Variants in LIPH observed in about 807,000 individuals in gnomAD.
The protein encoded by LIPH is lipase H.
LIPH carries 32 observed loss-of-function variants against 47.6 expected under a neutral mutation model. The ratio of observed to expected loss-of-function variants is 0.67; its 90% CI spans 0.51 to 0.90. The LOEUF (loss-of-function observed/expected upper bound fraction) is 0.90. LIPH is among the 40% of genes least tolerant of loss of function. The pLI, the probability that LIPH is intolerant of heterozygous loss-of-function variation, is 0.00. For synonymous variants in LIPH, 190 were observed against 195.6 expected, an observed-to-expected ratio of 0.97 and a Z score of 0.24; for missense variants, 497 against 541.4, an observed-to-expected ratio of 0.92 and a Z score of 0.81.
At chr3:185,511,818 A>AATT in intron 8 of LIPH, 121 bp from the exon 9 acceptor site, 2 of 605,730 alleles carry the variant, frequency 3.3e-6, no homozygotes, top group Non-Finnish European at 5.7e-6. Flanking sequence ...GCACCAGCTG[A>AATT]CTTTTTTTTT....
At chr3:185,528,323 G>GAAGAAAGAAAAGAAAGAAAGA in intron 3 of LIPH, among the ~76,000 whole-genome samples, 2 of 125,604 alleles carry the variant, frequency 1.6e-5, no homozygotes, top group Middle Eastern at 7.9e-3. Context: ...AAGAAAGAAA[G>GAAGAAAGAAAAGAAAGAAAGA]AAGAAAGAAA....
intron 1 of LIPH, among the ~76,000 whole-genome samples, chr3:185,537,742 T>A (rs2148961097): frequency 1.3e-5 from 2 of 152,222 alleles, no homozygotes. Flanking sequence ...GGAGACTAAT[T>A]CTGAATGAGA....
chr3:185,540,491 G>T (rs1280623965), intron 1 of LIPH, among the ~76,000 whole-genome samples: 1 of 152,162 alleles, frequency 6.6e-6, no homozygotes, highest in Non-Finnish European at 1.5e-5. Flanking sequence ...GCCAAGGCGG[G>T]TGGATCACCT....
intron 4 of LIPH, among the ~76,000 whole-genome samples, chr3:185,525,352 A>G (rs1430351536): frequency 6.6e-6 from 1 of 152,216 alleles, no homozygotes; most frequent in South Asian, 2.1e-4. Context: ...ATGCACATGT[A>G]TATACATAAT....
intron 5 of LIPH, among the ~76,000 whole-genome samples, chr3:185,523,214 G>T (rs540190289): frequency 2.9e-4 from 44 of 152,166 alleles, no homozygotes; most frequent in African/African-American, 9.4e-4. Context: ...GGAATTTCTA[G>T]ATCAAAGACA....
intron 5 of LIPH, among the ~76,000 whole-genome samples, chr3:185,521,030 C>T (rs1372595878): frequency 1.3e-5 from 2 of 151,910 alleles, no homozygotes; most frequent in Admixed American, 1.3e-4. Context: ...CCACCACTTC[C>T]GGCTAATTTT....
Position 185,524,086 on chromosome 3 carries a change from T to C in LIPH, c.703A>G (p.Lys235Glu). Residue 235 changes from lysine to glutamate, a missense_variant, in exon 5 of 10, where the codon AAA (lysine) becomes GAA (glutamate). Transcript: ENST00000296252. ...NGGLDQPGCP[K>E]TILGGFQYFK... ...AAAGGCTTACCTCCCAATATTGTTT[T>C]GGGGCAGCCAGGTTGATCCAATCCT... 6.2e-7 allele frequency: 1 copy of C among 1,612,818 alleles called. No individual in the cohort carries two copies. Among genetic ancestry groups the C allele is most frequent in the Non-Finnish European group, 8.5e-7 (1 of 1,178,804 alleles).
chr3:185,523,351 T>C (rs1258038231), intron 5 of LIPH, among the ~76,000 whole-genome samples: 1 of 152,208 alleles, frequency 6.6e-6, no homozygotes, highest in Non-Finnish European at 1.5e-5. Flanking sequence ...TCAGGAAGTT[T>C]GTTTTCTATT....
intron 7 of LIPH, among the ~76,000 whole-genome samples, chr3:185,516,806 A>G (rs1719742705): frequency 1.3e-5 from 2 of 152,228 alleles, no homozygotes; most frequent in South Asian, 4.1e-4. Context: ...ATGGCATCAG[A>G]TTAAACCTAA....
Position 185,542,560 on chromosome 3 carries a change from A to G in LIPH, c.50-7428T>C, listed in dbSNP as rs139105929. Among the ~76,000 whole-genome samples, 1,245 of 151,134 alleles carry G rather than the reference A, an allele frequency of 8.2e-3. 17 individuals are homozygous for G. The highest frequency in any genetic ancestry group is 0.028 in the African/African-American group (1,172 of 41,208). On this transcript the variant is annotated intron_variant, in intron 1 of 9. Transcript: ENST00000296252. ...TCGAACTCCTGACCTCAGGTGATCCACCCACCTCAGCCTCCCAAAGTGCTG... is the reference window on the plus strand; with the variant it reads ...TCGAACTCCTGACCTCAGGTGATCCGCCCACCTCAGCCTCCCAAAGTGCTG...
intron 6 of LIPH, among the ~76,000 whole-genome samples, chr3:185,517,997 A>T (rs1398466103): frequency 6.6e-6 from 1 of 152,174 alleles, no homozygotes; most frequent in Admixed American, 6.5e-5. Flanking sequence ...CAGAATGTGG[A>T]GTGAGGGCAT....
At chr3:185,538,157 G>A (rs933833617) in intron 1 of LIPH, among the ~76,000 whole-genome samples, 7 of 151,940 alleles carry the variant, frequency 4.6e-5, no homozygotes, top group African/African-American at 7.3e-5. Flanking sequence ...ACTGTCCCCC[G>A]GAGAAGTCCA....
chr3:185,534,972 T>C lies in LIPH; in HGVS notation c.210A>G (p.Lys70=). Residue 70 remains lysine (K), a synonymous_variant, in exon 2 of 10, where the codon AAA becomes AAG. Coordinates refer to ENST00000296252, the MANE Select transcript of LIPH (RefSeq NM_139248.3). ...TGAATCCATGGACAATGAAGGTGGTTTTCTTGGTCACATTCAAGTTCCCAA... is the reference window on the plus strand; with the variant it reads ...TGAATCCATGGACAATGAAGGTGGTCTTCTTGGTCACATTCAAGTTCCCAA... ...SAFGNLNVTK[K]TTFIVHGFRP... is the part of the protein sequence containing the mutation. 6.2e-7 allele frequency: 1 copy of C among 1,613,928 alleles called. No homozygotes were observed. Among genetic ancestry groups the C allele is most frequent in the Non-Finnish European group, 8.5e-7 (1 of 1,179,898 alleles).
rs1030642339 is a variant in LIPH at position 185,544,339 on chromosome 3, G to GT, written c.49+8083dup. ...GGAGAATGGAGAATTTTCCTCTGTT[G>GT]TTTTTTTTTGTTTTGTTTTGTTTTG... On this transcript the variant is annotated intron_variant, in intron 1 of 9. Transcript: ENST00000296252. 7.4e-3 allele frequency among the ~76,000 whole-genome samples: 1,091 copies of GT among 148,420 alleles called. 13 individuals carry two copies. The highest frequency in any genetic ancestry group is 0.024 in the African/African-American group (947 of 40,266).
intron 1 of LIPH, among the ~76,000 whole-genome samples, chr3:185,551,915 G>T (rs187694502): frequency 1.9e-3 from 296 of 152,008 alleles, no homozygotes; most frequent in African/African-American, 6.8e-3. Flanking sequence ...TTATAAGAAT[G>T]CCAGGAACCA....
intron 1 of LIPH, among the ~76,000 whole-genome samples, chr3:185,552,024 AAATAT>A (rs1351864534): frequency 2.6e-5 from 4 of 152,202 alleles, no homozygotes; most frequent in South Asian, 4.1e-4. Context: ...TTGATATATT[AAATAT>A]AAGATAGATT....
Position 185,511,628 on chromosome 3 carries a change from T to TTATCTGGATTA in LIPH, c.1163_1164insTAATCCAGATA (p.Lys388AsnfsTer11). ...AGAACATCAAGGAAATTGCAGCCAC[T>TTATCTGGATTA]TTATCCAGATCTTGATTAAATCTTG... is the stretch of plus-strand genomic sequence containing the variant. On this transcript the variant is annotated frameshift_variant, in exon 9 of 10. Transcript: ENST00000296252. 1.2e-6 allele frequency: 2 copies of TTATCTGGATTA among 1,613,372 alleles called. No individual in the cohort carries two copies. Among genetic ancestry groups the TTATCTGGATTA allele is most frequent in the Non-Finnish European group, 1.7e-6 (2 of 1,179,302 alleles).
chr3:185,548,745 AAAAACAAAAC>A (rs199898458), intron 1 of LIPH, among the ~76,000 whole-genome samples: 40,375 of 151,366 alleles, frequency 0.27, 5,593 homozygotes, highest in African/African-American at 0.32. Context: ...AAAACAAAAC[AAAAACAAAAC>A]AAAACAAAAC....
At chr3:185,517,727 G>A (rs1353894333) in intron 6 of LIPH, among the ~76,000 whole-genome samples, 4 of 152,204 alleles carry the variant, frequency 2.6e-5, no homozygotes, top group Middle Eastern at 6.8e-3. Context: ...TTGATCCAGG[G>A]TGGGACCCAG....
Sources: gnomAD v4.1 joint callset for allele counts (sites outside exome capture counted in the v4.1 genomes callset) on GRCh38, gnomAD v4.1.1 for gene constraint, MANE v1.5 for transcripts, NCBI Gene and HGNC (gene_info 2026-07-23, HGNC 2026-07-21) for gene names.